The following CNST variants were observed in gnomAD, a reference collection of about 807,000 sequenced individuals.
The protein encoded by CNST is consortin.
A neutral mutation model predicts 72.4 loss-of-function variants in CNST; 39 were observed. The observed-to-expected ratio is 0.54, with a 90% CI of 0.42 to 0.70. The LOEUF (loss-of-function observed/expected upper bound fraction) is 0.70. CNST is among the 30% of genes least tolerant of loss of function. The probability of loss-of-function intolerance (pLI) is 0.00; values close to 1 mark genes in which losing one functional copy is unlikely to be tolerated. For synonymous variants in CNST, 332 were observed against 320.1 expected, an observed-to-expected ratio of 1.04 and a Z score of -0.40; for missense variants, 871 against 868.5, an observed-to-expected ratio of 1.00 and a Z score of -0.04.
At chr1:246,583,000 T>G (rs1159460522) in intron 1 of CNST, among the ~76,000 whole-genome samples, 3 of 152,238 alleles carry the variant, frequency 2.0e-5, no homozygotes, top group Non-Finnish European at 4.4e-5. Flanking sequence ...TGTCCGCCCG[T>G]TAGCGTGATG....
Position 246,656,455 on chromosome 1 carries a change from G to A in CNST, c.1837-3744G>A, listed in dbSNP as rs181714678. The stretch of plus-strand genomic sequence containing the variant: ...TGCATTTATTCATAGAGCACCACCC[G>A]TAACAATTACATTAATTATAGCTCA... On this transcript the variant is annotated intron_variant, in intron 9 of 10. Coordinates refer to ENST00000366513, the MANE Select transcript of CNST (RefSeq NM_152609.3). Among the ~76,000 whole-genome samples the A allele has an allele frequency of 1.8e-4, 27 of 152,208 alleles. 1 individual carries two copies. The highest frequency in any genetic ancestry group is 3.9e-4 in the African/African-American group (16 of 41,542).
chr1:246,591,297 C>T (rs1661530044), intron 1 of CNST, among the ~76,000 whole-genome samples: 1 of 152,118 alleles, frequency 6.6e-6, no homozygotes, highest in Non-Finnish European at 1.5e-5. Context: ...CTCAGGTGAT[C>T]ATCATGAGGA....
Position 246,666,062 on chromosome 1 carries a change from CTG to C in CNST, c.*159_*160del. On this transcript the variant is annotated 3_prime_UTR_variant, in exon 11 of 11. Transcript: ENST00000366513. ...CTTTAAGTGGCAAGCCGGAGGAACT[CTG>C]TTAGAATAATCCACACAGTGAGGCA... is the stretch of plus-strand genomic sequence containing the variant. The C allele has an allele frequency of 1.7e-6, 1 of 599,728 alleles. No homozygotes were observed. The highest frequency in any genetic ancestry group is 3.0e-6 in the Non-Finnish European group (1 of 338,502). 37.2% of individuals were successfully genotyped at this position (599,728 alleles called of 1,614,324 possible). A position where few individuals can be genotyped will look rare whatever the true frequency, so the allele number is the denominator to read the frequency against.
intron 6 of CNST, among the ~76,000 whole-genome samples, chr1:246,638,918 A>G (rs1270557446): frequency 6.6e-6 from 1 of 152,184 alleles, no homozygotes; most frequent in Non-Finnish European, 1.5e-5. Flanking sequence ...AATAGAGCAT[A>G]CAGTTGAAGG....
Position 246,584,421 on chromosome 1 carries a change from T to C in CNST, c.-51-7091T>C, listed in dbSNP as rs528426976. ...CCACATAAAGTGGGAAGAATGGCGGTGCAGTCAAGAATAAAGAGGGAGCAC... is the reference window on the plus strand; with the variant it reads ...CCACATAAAGTGGGAAGAATGGCGGCGCAGTCAAGAATAAAGAGGGAGCAC... On this transcript the variant is annotated intron_variant, in intron 1 of 10. Coordinates refer to ENST00000366513, the MANE Select transcript of CNST (RefSeq NM_152609.3). Among the ~76,000 whole-genome samples, 3 of 152,100 alleles carry C rather than the reference T, an allele frequency of 2.0e-5. No homozygotes were observed. In the East Asian group the frequency reaches 5.8e-4, roughly 29 times the overall value.
At chr1:246,635,679 G>T (rs1283271908) in intron 6 of CNST, among the ~76,000 whole-genome samples, 1 of 152,182 alleles carries the variant, frequency 6.6e-6, no homozygotes, top group Non-Finnish European at 1.5e-5. Flanking sequence ...CATTTCCAGC[G>T]CTGGGGCGGT....
intron 1 of CNST, among the ~76,000 whole-genome samples, chr1:246,584,520 G>T (rs1039816987): frequency 6.6e-6 from 1 of 152,052 alleles, no homozygotes; most frequent in Non-Finnish European, 1.5e-5. Flanking sequence ...TCCAGCGTAG[G>T]TATCAGTCTT....
intron 2 of CNST, chr1:246,607,447 G>A (rs1249910411): frequency 2.6e-5 from 4 of 152,302 alleles, no homozygotes; most frequent in Admixed American, 6.5e-5. Flanking sequence ...TACCACGGGT[G>A]ATTTTCGGGG....
chr1:246,588,930 A>G (rs904535921), intron 1 of CNST, among the ~76,000 whole-genome samples: 6 of 152,084 alleles, frequency 3.9e-5, no homozygotes, highest in African/African-American at 1.4e-4. Context: ...TCCATTTAAA[A>G]ATTTAAATTT....
chr1:246,660,709 C>T (rs1042158930), intron 10 of CNST, among the ~76,000 whole-genome samples: 6 of 152,108 alleles, frequency 3.9e-5, no homozygotes, highest in Admixed American at 6.6e-5. Flanking sequence ...GGTGGCAGAG[C>T]GAGGCTCCAT....
intron 1 of CNST, among the ~76,000 whole-genome samples, chr1:246,590,248 G>A (rs1240531283): frequency 2.0e-5 from 3 of 152,154 alleles, no homozygotes; most frequent in Admixed American, 2.0e-4. Flanking sequence ...GTGACTGGGG[G>A]CTACATGCAT....
chr1:246,648,384 T>G (rs1666252525), intron 9 of CNST: 1 of 237,326 alleles, frequency 4.2e-6, no homozygotes, highest in Admixed American at 5.3e-5. Context: ...AGTCTCATTT[T>G]TCTTCTCATA....
At chr1:246,610,257 G>A (rs1162908432) in intron 2 of CNST, among the ~76,000 whole-genome samples, 4 of 152,164 alleles carry the variant, frequency 2.6e-5, no homozygotes, top group African/African-American at 9.7e-5. Flanking sequence ...CTCCAGCCTG[G>A]GCAATGGAGC....
Position 246,587,885 on chromosome 1 carries a change from T to C in CNST, c.-51-3627T>C, listed in dbSNP as rs114619443. 5.4e-3 allele frequency among the ~76,000 whole-genome samples: 827 copies of C among 152,364 alleles called. 10 individuals carry two copies. Among genetic ancestry groups the C allele is most frequent in the African/African-American group, 0.019 (786 of 41,588 alleles). On this transcript the variant is annotated intron_variant, in intron 1 of 10. Transcript: ENST00000366513. ...CACTTTATCTGCCCCAAGGTTTTTT[T>C]CGGAATATGAGTCACATAGTTTCAG... is the stretch of plus-strand genomic sequence containing the variant.
intron 9 of CNST, among the ~76,000 whole-genome samples, chr1:246,649,779 T>C (rs1393985812): frequency 4.0e-5 from 6 of 151,328 alleles, no homozygotes; most frequent in Non-Finnish European, 7.4e-5. Flanking sequence ...TTTTGGAATT[T>C]CAATTTTTGC....
chr1:246,662,552 C>G (rs1667155287), intron 10 of CNST, among the ~76,000 whole-genome samples: 1 of 152,140 alleles, frequency 6.6e-6, no homozygotes, highest in African/African-American at 2.4e-5. Context: ...CGACGCCTGG[C>G]TAATTTTTGT....
intron 8 of CNST, among the ~76,000 whole-genome samples, chr1:246,643,965 T>G (rs1665880718): frequency 6.6e-6 from 1 of 152,316 alleles, no homozygotes; most frequent in African/African-American, 2.4e-5. Flanking sequence ...ACTTATCACT[T>G]AAGTGGTATC....
At chr1:246,655,957 G>A (rs775812610) in intron 9 of CNST, among the ~76,000 whole-genome samples, 46 of 152,276 alleles carry the variant, frequency 3.0e-4, no homozygotes, top group Non-Finnish European at 6.2e-4. Flanking sequence ...CTAAAGAAGC[G>A]GGCAGAGAAT....
chr1:246,590,011 A>G (rs1462756342), intron 1 of CNST, among the ~76,000 whole-genome samples: 1 of 152,162 alleles, frequency 6.6e-6, no homozygotes, highest in Non-Finnish European at 1.5e-5. Flanking sequence ...GATTCTGGAC[A>G]TTAGCCCTTT....
Sources: allele counts gnomAD v4.1 joint callset (sites outside exome capture counted in the v4.1 genomes callset), GRCh38; gene constraint gnomAD v4.1.1; transcripts MANE v1.5; gene names NCBI Gene and HGNC (gene_info 2026-07-23, HGNC 2026-07-21).